Variants in WIPF1 observed in about 807,000 individuals in gnomAD.
WIPF1 encodes WAS/WASL-interacting protein family member 1.
Under a neutral mutation model 35.4 loss-of-function variants are expected in WIPF1, and 13 were observed. The observed-to-expected ratio is 0.37, with a 90% confidence interval of 0.24 to 0.58. The LOEUF (loss-of-function observed/expected upper bound fraction) is 0.58, where lower values mean the gene tolerates loss of function less well. Among genes scored for constraint, WIPF1 ranks in the 20% least tolerant of loss-of-function variants. The pLI, the probability that WIPF1 is intolerant of heterozygous loss-of-function variation, is 0.74. For synonymous variants in WIPF1, 267 were observed against 266.3 expected (o/e 1.00, Z -0.02); for missense variants, 591 against 667.0 (o/e 0.89, Z 1.25).
intron 1 of WIPF1, among the ~76,000 whole-genome samples, chr2:174,624,421 C>T (rs1204476019): frequency 5.3e-5 from 8 of 152,126 alleles, no homozygotes. Flanking sequence ...TTTCTTCTCG[C>T]TAGTGAAAAA....
In WIPF1 at chr2:174,566,725, T is replaced by C. The variant is rs16862713; in HGVS notation, c.1456+345A>G. 4.0e-5 allele frequency: 8 copies of C among 199,444 alleles called. No homozygotes were observed. The South Asian group carries it at 7.7e-4, about 19-fold the overall frequency. The allele number at this position is 199,444 out of a possible 1,614,324, so 12.4% of individuals were successfully genotyped here. A position where few individuals can be genotyped will look rare whatever the true frequency, so the allele number is the denominator to read the frequency against. ...TTTTGTTATAATTAATCAGACATTA[T>C]GCCAATTTCAAAACTAGAAGGAATA... On this transcript the variant is annotated intron_variant, in intron 7 of 7. Transcript: ENST00000679041.
At chr2:174,617,870 G>A (rs925187378) in intron 1 of WIPF1, among the ~76,000 whole-genome samples, 6 of 152,248 alleles carry the variant, frequency 3.9e-5, no homozygotes, top group Non-Finnish European at 7.3e-5. Context: ...AAACTGCAAT[G>A]TGACCTGATG....
At chr2:174,669,566 A>G (rs564875452) in intron 1 of WIPF1, among the ~76,000 whole-genome samples, 1 of 152,364 alleles carries the variant, frequency 6.6e-6, no homozygotes, top group Non-Finnish European at 1.5e-5. Flanking sequence ...GGGGAGACAG[A>G]TACTCAACAT....
chr2:174,581,155 G>A (rs535159809), intron 3 of WIPF1, 155 bp downstream of exon 3: 51 of 1,026,712 alleles, frequency 5.0e-5, no homozygotes, highest in Admixed American at 7.6e-5. Context: ...CCAAAGCTGC[G>A]GCCTACAGGG....
At chr2:174,635,529 G>GTTTTTTTTTTTTTTTTTT (rs1197924942) in intron 1 of WIPF1, among the ~76,000 whole-genome samples, 1 of 115,624 alleles carries the variant, frequency 8.6e-6, no homozygotes, top group African/African-American at 3.4e-5. Context: ...CCTTCTGTTT[G>GTTTTTTTTTTTTTTTTTT]TTTTTTTTTT....
chr2:174,668,966 C>T (rs1330898317), intron 1 of WIPF1, among the ~76,000 whole-genome samples: 1 of 152,216 alleles, frequency 6.6e-6, no homozygotes, highest in African/African-American at 2.4e-5. Context: ...CAGCTGATTA[C>T]CCTCAAATTC....
At chr2:174,583,258 A>T (rs992920168) in intron 2 of WIPF1, among the ~76,000 whole-genome samples, 5 of 152,246 alleles carry the variant, frequency 3.3e-5, no homozygotes, top group African/African-American at 1.2e-4. Context: ...TCAACTTAAC[A>T]TACTTTGGAT....
intron 1 of WIPF1, among the ~76,000 whole-genome samples, chr2:174,594,486 C>T (rs1432881321): frequency 6.6e-6 from 1 of 152,060 alleles, no homozygotes; most frequent in Non-Finnish European, 1.5e-5. Context: ...CTGAATGACA[C>T]GCCTACCTGT....
chr2:174,562,249 G>C lies in WIPF1; in HGVS notation c.*298C>G. The C allele has an allele frequency of 6.5e-7, 1 of 1,541,236 alleles. No individual in the cohort carries two copies. The highest frequency in any genetic ancestry group is 1.4e-5 in the African/African-American group (1 of 72,962). Reference sequence around the variant, plus strand: ...AGCAGTGAATGTTTGAATTTGGTTGGTGGAAAGCTGGGATGCAAGTCATCT... The same window carrying C: ...AGCAGTGAATGTTTGAATTTGGTTGCTGGAAAGCTGGGATGCAAGTCATCT... On this transcript the variant is annotated 3_prime_UTR_variant, in exon 8 of 8. Transcript: ENST00000679041.
At chr2:174,581,113 T>C in intron 3 of WIPF1, 197 bp downstream of exon 3, 2 of 544,662 alleles carry the variant, frequency 3.7e-6, no homozygotes, top group Non-Finnish European at 6.2e-6. Flanking sequence ...ATTATTATAC[T>C]GGCTTCTTGC....
intron 1 of WIPF1, among the ~76,000 whole-genome samples, chr2:174,616,028 T>G (rs970094430): frequency 1.3e-5 from 2 of 152,084 alleles, no homozygotes; most frequent in Non-Finnish European, 2.9e-5. Flanking sequence ...AGCAGGAATA[T>G]CTCCCTCTAC....
At chr2:174,615,057 T>C (rs993431455) in intron 1 of WIPF1, among the ~76,000 whole-genome samples, 1 of 152,228 alleles carries the variant, frequency 6.6e-6, no homozygotes, top group South Asian at 2.1e-4. Context: ...CTGTGACATG[T>C]ATATAATCAG....
In WIPF1 at chr2:174,562,169, G is replaced by A. The variant is rs1291194195; in HGVS notation, c.*378C>T. On this transcript the variant is annotated 3_prime_UTR_variant, in exon 8 of 8. Transcript: ENST00000679041. Reference sequence around the variant, plus strand: ...GAGAGGAGGCCAAGCATGCGAAAAAGGAACGGGAGAAAACAGCTCTCAGGG... The same window carrying A: ...GAGAGGAGGCCAAGCATGCGAAAAAAGAACGGGAGAAAACAGCTCTCAGGG... 6.4e-7 allele frequency: 1 copy of A among 1,550,486 alleles called. No individual in the cohort carries two copies. Among genetic ancestry groups the A allele is most frequent in the African/African-American group, 1.4e-5 (1 of 73,124 alleles).
intron 1 of WIPF1, among the ~76,000 whole-genome samples, chr2:174,609,448 C>A (rs868287826): frequency 2.6e-5 from 4 of 152,156 alleles, no homozygotes; most frequent in Non-Finnish European, 5.9e-5. Context: ...AATGGTGTTA[C>A]TGAAGTCTTT....
intron 1 of WIPF1, among the ~76,000 whole-genome samples, chr2:174,675,915 C>T (rs1296095159): frequency 2.1e-5 from 2 of 93,968 alleles, no homozygotes; most frequent in South Asian, 4.7e-4. Flanking sequence ...AGATGTTACC[C>T]GATTTCTTTT....
chr2:174,628,132 TG>T (rs1686905964), intron 1 of WIPF1, among the ~76,000 whole-genome samples: 1 of 152,100 alleles, frequency 6.6e-6, no homozygotes, highest in African/African-American at 2.4e-5. Flanking sequence ...AAGAGGCTGC[TG>T]GGCACCCCGG....
At position 174,572,046 on chromosome 2, in the gene WIPF1, C is replaced by T. The variant is rs1032410011; in HGVS notation, c.759G>A (p.Pro253=). Reference sequence around the variant, plus strand: ...CATCCAAGGCCCTGCTGGGGGTAGGCGGCAGGGGAGGCCGGTTGGAGAAGG... The same window carrying T: ...CATCCAAGGCCCTGCTGGGGGTAGGTGGCAGGGGAGGCCGGTTGGAGAAGG... ...SSPFSNRPPL[P]PTPSRALDDK... is the part of the protein sequence containing the mutation. The change falls in exon 5 of 8, where the codon CCG becomes CCA. Residue 253 remains proline (P), a synonymous_variant. Transcript: ENST00000679041. 2 of 1,549,286 alleles carry T rather than the reference C, an allele frequency of 1.3e-6. No homozygotes were observed. The highest frequency in any genetic ancestry group is 1.7e-6 in the Non-Finnish European group (2 of 1,150,246).
At chr2:174,566,249 T>C (rs1684655872) in intron 7 of WIPF1, 1 of 152,220 alleles carries the variant, frequency 6.6e-6, no homozygotes, top group African/African-American at 2.4e-5. Flanking sequence ...GAAAGCCTGC[T>C]AGACAAATTC....
intron 1 of WIPF1, among the ~76,000 whole-genome samples, chr2:174,655,072 T>G (rs1448345634): frequency 6.6e-6 from 1 of 152,210 alleles, no homozygotes; most frequent in Non-Finnish European, 1.5e-5. Context: ...GGTCCAACCA[T>G]GTTCCACTTC....
Sources: allele counts gnomAD v4.1 joint callset (sites outside exome capture counted in the v4.1 genomes callset), GRCh38; gene constraint gnomAD v4.1.1; transcripts MANE v1.5; gene names NCBI Gene and HGNC (gene_info 2026-07-23, HGNC 2026-07-21).